The following YAE1 variants were observed in gnomAD, a reference collection of about 807,000 sequenced individuals.
YAE1 encodes the protein protein YAE1 homolog.
A neutral mutation model predicts 23.0 loss-of-function variants in YAE1; 22 were observed. That is an observed-to-expected ratio of 0.96 (90% CI 0.68 to 1.37). YAE1 has a LOEUF of 1.37. Among genes scored for constraint, YAE1 ranks in the 40% most tolerant of loss-of-function variants. The probability of loss-of-function intolerance (pLI) is 0.00; values close to 1 mark genes in which losing one functional copy is unlikely to be tolerated. For synonymous variants in YAE1, 101 were observed against 97.0 expected (o/e 1.04, Z -0.24); for missense variants, 260 against 262.1 (o/e 0.99, Z 0.06).
chr7:39,580,263 C>T (rs1790721360), intron 2 of YAE1, among the ~76,000 whole-genome samples: 1 of 152,186 alleles, frequency 6.6e-6, no homozygotes, highest in Admixed American at 6.5e-5. Context: ...TTATGTCACT[C>T]ATTTTGTGAT....
chr7:39,590,862 T>C (rs937139124), intron 2 of YAE1, among the ~76,000 whole-genome samples: 1 of 152,216 alleles, frequency 6.6e-6, no homozygotes, highest in African/African-American at 2.4e-5. Context: ...CTTCTTTCCC[T>C]TTCTTCCTTT....
chr7:39,601,758 CAA>C (rs5883699), intron 2 of YAE1, among the ~76,000 whole-genome samples: 162 of 130,746 alleles, frequency 1.2e-3, no homozygotes, highest in South Asian at 6.5e-3. Context: ...GACTCTGTCT[CAA>C]AAAAAAAAAA....
intron 2 of YAE1, among the ~76,000 whole-genome samples, chr7:39,578,639 C>G (rs566307891): frequency 1.3e-5 from 2 of 152,194 alleles, no homozygotes; most frequent in East Asian, 3.9e-4. Flanking sequence ...AGCTTCACTC[C>G]TGAAGCCAGT....
At chr7:39,576,976 C>A (rs1790664339), downstream of YAE1, among the ~76,000 whole-genome samples, 4 of 152,176 alleles carry the variant, frequency 2.6e-5, no homozygotes, top group Admixed American at 2.6e-4. Context: ...CTCACTACAA[C>A]CTCCACCTCC....
intron 2 of YAE1, among the ~76,000 whole-genome samples, chr7:39,580,376 G>C (rs1258937448): frequency 2.6e-5 from 4 of 152,192 alleles, no homozygotes; most frequent in African/African-American, 7.2e-5. Context: ...AAAGAGCCAA[G>C]AGTCCTCAGT....
At chr7:39,589,552 C>T (rs1193973856) in intron 2 of YAE1, among the ~76,000 whole-genome samples, 1 of 152,180 alleles carries the variant, frequency 6.6e-6, no homozygotes, top group African/African-American at 2.4e-5. Flanking sequence ...AGCCACTGCA[C>T]CCAGCCTGAG....
At chr7:39,581,394 CT>C (rs1468226152) in intron 2 of YAE1, among the ~76,000 whole-genome samples, 2 of 152,130 alleles carry the variant, frequency 1.3e-5, no homozygotes, top group Non-Finnish European at 2.9e-5. Context: ...ATAATGATAG[CT>C]TTTGCCAATA....
At chr7:39,575,066 C>G (rs1447750393), downstream of YAE1, among the ~76,000 whole-genome samples, 1 of 152,070 alleles carries the variant, frequency 6.6e-6, no homozygotes, top group African/African-American at 2.4e-5. Context: ...TGTTGTAGGT[C>G]TGCCAGGTCT....
At chr7:39,605,449 A>T (rs1791116355) in intron 2 of YAE1, among the ~76,000 whole-genome samples, 1 of 152,202 alleles carries the variant, frequency 6.6e-6, no homozygotes, top group African/African-American at 2.4e-5. Flanking sequence ...CCTGAATAGA[A>T]CAGAAGACTG....
At chr7:39,612,086 G>T (rs572314280), downstream of YAE1, among the ~76,000 whole-genome samples, 1 of 150,604 alleles carries the variant, frequency 6.6e-6, no homozygotes, top group African/African-American at 2.5e-5. Flanking sequence ...AATTACTTAA[G>T]TTATTTGTTT....
At chr7:39,601,916 T>C (rs1198848926) in intron 2 of YAE1, among the ~76,000 whole-genome samples, 1 of 152,188 alleles carries the variant, frequency 6.6e-6, no homozygotes, top group Non-Finnish European at 1.5e-5. Flanking sequence ...TTTTCATGAA[T>C]ATTCTAACTT....
chr7:39,570,713 A>C, intron 2 of YAE1, 86 bp downstream of exon 2: 1 of 1,477,318 alleles, frequency 6.8e-7, no homozygotes, highest in South Asian at 1.4e-5. Flanking sequence ...TTTAAACTGA[A>C]ATGCTTTTCC....
downstream of YAE1, among the ~76,000 whole-genome samples, chr7:39,573,644 C>G (rs1224681593): frequency 6.6e-6 from 1 of 152,114 alleles, no homozygotes; most frequent in Non-Finnish European, 1.5e-5. Flanking sequence ...CTTAATTGCT[C>G]TTTCACCCCT....
downstream of YAE1, among the ~76,000 whole-genome samples, chr7:39,610,861 A>G (rs547043251): frequency 2.6e-5 from 4 of 152,280 alleles, no homozygotes; most frequent in East Asian, 3.9e-4. Flanking sequence ...ATAAATTAGG[A>G]TGCAGGCTGG....
At chr7:39,602,190 A>G (rs1358703854) in intron 2 of YAE1, among the ~76,000 whole-genome samples, 1 of 152,236 alleles carries the variant, frequency 6.6e-6, no homozygotes, top group Non-Finnish European at 1.5e-5. Flanking sequence ...GAAACTTAAG[A>G]GAACATCTGG....
chr7:39,577,096 A>G (rs1790666405), downstream of YAE1, among the ~76,000 whole-genome samples: 1 of 152,046 alleles, frequency 6.6e-6, no homozygotes, highest in Non-Finnish European at 1.5e-5. Context: ...GGGTTTCATC[A>G]TGTTGGCCAG....
intron 2 of YAE1, among the ~76,000 whole-genome samples, chr7:39,581,903 T>TA (rs983070589): frequency 1.3e-5 from 2 of 151,654 alleles, no homozygotes; most frequent in African/African-American, 4.9e-5. Flanking sequence ...AAAATAACCA[T>TA]AAAAATAGCT....
At chr7:39,587,025 TC>T (rs368696322) in intron 2 of YAE1, among the ~76,000 whole-genome samples, 11 of 55,032 alleles carry the variant, frequency 2.0e-4, no homozygotes, top group East Asian at 8.7e-4. Context: ...TTCTTTTCTT[TC>T]TCTTTCTCTT....
downstream of YAE1, among the ~76,000 whole-genome samples, chr7:39,577,790 C>T (rs528697952): frequency 3.3e-5 from 5 of 152,332 alleles, no homozygotes; most frequent in East Asian, 1.9e-4. Flanking sequence ...TGCGGGTGCA[C>T]GGTGCGGGAC....
Sources: gnomAD v4.1 joint callset for allele counts (sites outside exome capture counted in the v4.1 genomes callset) on GRCh38, gnomAD v4.1.1 for gene constraint, MANE v1.5 for transcripts, NCBI Gene and HGNC (gene_info 2026-07-23, HGNC 2026-07-21) for gene names.